CCDC88C: variants seen among roughly 807,000 people sequenced by gnomAD.
CCDC88C encodes the protein coiled-coil and HOOK domain protein 88C.
CCDC88C carries 131 observed loss-of-function variants against 198.8 expected under a neutral mutation model. That is an observed-to-expected ratio of 0.66 (90% CI 0.57 to 0.76). The LOEUF (loss-of-function observed/expected upper bound fraction) is 0.76. Ranked by LOEUF, CCDC88C falls within the 30% of genes least tolerant of loss-of-function variation. The pLI is 0.00. For synonymous variants in CCDC88C, 1,166 were observed against 1,114.7 expected (o/e 1.05, Z -0.92); for missense variants, 2,553 against 2,631.6 (o/e 0.97, Z 0.65).
chr14:91,280,812 G>GTCAACA (rs113337398), intron 27 of CCDC88C, among the ~76,000 whole-genome samples: 2,680 of 152,268 alleles, frequency 0.018, 36 homozygotes, highest in Middle Eastern at 0.024. Context: ...CTGTAAGAAT[G>GTCAACA]TCATCAAGCT....
At chr14:91,322,491 C>G (rs1022717535) in intron 12 of CCDC88C, among the ~76,000 whole-genome samples, 1 of 152,188 alleles carries the variant, frequency 6.6e-6, no homozygotes, top group African/African-American at 2.4e-5. Flanking sequence ...ACTCCACATA[C>G]AAGGACGCTT....
At position 91,377,884 on chromosome 14, in the gene CCDC88C, G is replaced by A. The variant is rs117497310; in HGVS notation, c.271-18173C>T. Among the ~76,000 whole-genome samples, 33 of 151,648 alleles carry A rather than the reference G, an allele frequency of 2.2e-4. No homozygotes were observed. In the East Asian group the frequency reaches 5.3e-3, roughly 24 times the overall value. Reference sequence around the variant, plus strand: ...GGAAGGAGGAAGGGGGAAGGGAGGCGCGCTGCCTCCTCCTTCTAGGAAGGC... The same window carrying A: ...GGAAGGAGGAAGGGGGAAGGGAGGCACGCTGCCTCCTCCTTCTAGGAAGGC... On this transcript the variant is annotated intron_variant, in intron 3 of 29. Transcript: ENST00000389857.
chr14:91,314,322 A>C (rs1244216945), intron 14 of CCDC88C, among the ~76,000 whole-genome samples, 172 bp from the exon 15 acceptor site: 1 of 152,198 alleles, frequency 6.6e-6, no homozygotes, highest in African/African-American at 2.4e-5. Context: ...GTGGGCACAG[A>C]CACCACCACT....
chr14:91,368,390 G>A (rs942931993), intron 3 of CCDC88C, among the ~76,000 whole-genome samples: 2 of 152,230 alleles, frequency 1.3e-5, no homozygotes, highest in East Asian at 3.8e-4. Context: ...TGTGTAAGTA[G>A]AAGATTGAAT....
intron 3 of CCDC88C, among the ~76,000 whole-genome samples, chr14:91,402,849 G>C (rs1268175735): frequency 6.6e-6 from 1 of 152,150 alleles, no homozygotes; most frequent in Non-Finnish European, 1.5e-5. Context: ...AAAAAGAAAA[G>C]GGCTGGGAGA....
intron 10 of CCDC88C, among the ~76,000 whole-genome samples, chr14:91,332,785 G>A (rs1012664575): frequency 6.6e-6 from 1 of 152,196 alleles, no homozygotes; most frequent in Non-Finnish European, 1.5e-5. Flanking sequence ...TCCCGAGACT[G>A]CAAGCCTTGT....
At chr14:91,314,800 C>G (rs576998044) in intron 14 of CCDC88C, among the ~76,000 whole-genome samples, 3 of 152,310 alleles carry the variant, frequency 2.0e-5, no homozygotes, top group African/African-American at 7.2e-5. Context: ...TTCTAACCAT[C>G]TTCTCTGGGC....
intron 2 of CCDC88C, 40 bp from the exon 3 acceptor site, chr14:91,408,807 G>A (rs1475582860): frequency 1.5e-6 from 2 of 1,343,456 alleles, no homozygotes; most frequent in African/African-American, 1.4e-5. Context: ...GCATCTCCCA[G>A]CAGCTGCCAC....
intron 16 of CCDC88C, among the ~76,000 whole-genome samples, chr14:91,309,609 CAA>C (rs376702299): frequency 4.0e-4 from 46 of 114,346 alleles, no homozygotes; most frequent in Admixed American, 7.2e-4. Flanking sequence ...GACCCTGTCT[CAA>C]AAAAAAAAAA....
At chr14:91,321,362 G>T in intron 12 of CCDC88C, 58 bp from the exon 13 acceptor site, 1 of 1,515,118 alleles carries the variant, frequency 6.6e-7, no homozygotes, top group Non-Finnish European at 8.9e-7. Context: ...TCCACTCTCT[G>T]CCCCAAGCTC....
chr14:91,349,784 G>A (rs1259016187), intron 4 of CCDC88C, among the ~76,000 whole-genome samples: 3 of 152,218 alleles, frequency 2.0e-5, no homozygotes, highest in Non-Finnish European at 4.4e-5. Context: ...GACGTTAACA[G>A]TCATAAGCTT....
chr14:91,285,628 G>C, intron 25 of CCDC88C: 1 of 1,252,340 alleles, frequency 8.0e-7, no homozygotes, highest in South Asian at 1.3e-5. Flanking sequence ...TTTCGGAAAT[G>C]AAGGAGGGTA....
chr14:91,407,943 C>T (rs1886591939), intron 3 of CCDC88C, among the ~76,000 whole-genome samples: 1 of 152,132 alleles, frequency 6.6e-6, no homozygotes, highest in Non-Finnish European at 1.5e-5. Flanking sequence ...CCATGCCCAG[C>T]TAATTTTTGC....
At chr14:91,290,822 C>T (rs1890630345) in intron 24 of CCDC88C, among the ~76,000 whole-genome samples, 173 bp downstream of exon 24, 1 of 152,212 alleles carries the variant, frequency 6.6e-6, no homozygotes, top group African/African-American at 2.4e-5. Flanking sequence ...CCTCACAGGA[C>T]AAGCTAGAGT....
chr14:91,411,061 C>T (rs1886762429), intron 2 of CCDC88C, among the ~76,000 whole-genome samples: 1 of 152,136 alleles, frequency 6.6e-6, no homozygotes, highest in Non-Finnish European at 1.5e-5. Flanking sequence ...CTAAAAGAAC[C>T]CTGACATTTA....
chr14:91,332,516 C>T (rs1596079932), intron 10 of CCDC88C, among the ~76,000 whole-genome samples: 1 of 152,180 alleles, frequency 6.6e-6, no homozygotes, highest in South Asian at 2.1e-4. Flanking sequence ...CCCTGAAGCC[C>T]GGGTCCTTTA....
In CCDC88C at chr14:91,303,916, C is replaced by G. The variant is rs1422425770; in HGVS notation, c.3420G>C (p.Gln1140His). 11 of 1,612,210 alleles carry G rather than the reference C, an allele frequency of 6.8e-6. No homozygotes were observed. The highest frequency in any genetic ancestry group is 8.5e-6 in the Non-Finnish European group (10 of 1,179,894). ...AALTAQYTLL[Q>H]NHHTAKETEN... ...CCGTCTCCTTGGCCGTGTGGTGGTTCTGCAGCAGCGTGTACTGCGCGGTGA... is the reference window on the plus strand; with the variant it reads ...CCGTCTCCTTGGCCGTGTGGTGGTTGTGCAGCAGCGTGTACTGCGCGGTGA... Residue 1140 changes from glutamine to histidine, a missense_variant, in exon 20 of 30, where the codon CAG becomes CAC. Coordinates refer to ENST00000389857, the MANE Select transcript of CCDC88C (RefSeq NM_001080414.4).
At chr14:91,405,566 G>A (rs1005194153) in intron 3 of CCDC88C, among the ~76,000 whole-genome samples, 7 of 152,096 alleles carry the variant, frequency 4.6e-5, no homozygotes, top group Non-Finnish European at 8.8e-5. Flanking sequence ...GGCAGGATAC[G>A]CAATTGTATA....
intron 10 of CCDC88C, among the ~76,000 whole-genome samples, chr14:91,328,556 C>T (rs1892672094): frequency 6.6e-6 from 1 of 152,172 alleles, no homozygotes; most frequent in Admixed American, 6.5e-5. Context: ...GAAGTCACAG[C>T]CCAGGACTGA....
Sources: allele counts gnomAD v4.1 joint callset (sites outside exome capture counted in the v4.1 genomes callset), GRCh38; gene constraint gnomAD v4.1.1; transcripts MANE v1.5; gene names NCBI Gene and HGNC (gene_info 2026-07-23, HGNC 2026-07-21).